LSAMP: variants seen among roughly 807,000 people sequenced by gnomAD.
The protein encoded by LSAMP is limbic system associated membrane protein.
In LSAMP, 7 loss-of-function variants were observed where a neutral mutation model predicts 38.6. That is an observed-to-expected ratio of 0.18 (90% CI 0.10 to 0.34). LSAMP has a LOEUF of 0.34. Among genes scored for constraint, LSAMP ranks in the 10% least tolerant of loss-of-function variants. The pLI is 1.00. For synonymous variants in LSAMP, 154 were observed against 166.8 expected (o/e 0.92, Z 0.59); for missense variants, 313 against 420.0 (o/e 0.75, Z 2.23).
intron 3 of LSAMP, among the ~76,000 whole-genome samples, chr3:115,902,922 T>A (rs1472044970): frequency 1.3e-5 from 2 of 152,072 alleles, no homozygotes; most frequent in Non-Finnish European, 2.9e-5. Context: ...AACCATTGTG[T>A]AAAGCAGTGT....
At position 115,808,169 on chromosome 3, in the gene LSAMP, CT is replaced by C. The variant is rs1238421937; in HGVS notation, c.*2147del. 8 of 109,152 alleles carry C rather than the reference CT, an allele frequency of 7.3e-5. No homozygotes were observed. Among genetic ancestry groups the C allele is most frequent in the Non-Finnish European group, 1.3e-4 (7 of 53,626 alleles). 6.8% of individuals were successfully genotyped at this position (109,152 alleles called of 1,614,324 possible). A position where few individuals can be genotyped will look rare whatever the true frequency, so the allele number is the denominator to read the frequency against. ...CCCTCCCCCCCTTCCCCGTCCCCCC[CT>C]CCCTGCCTTCCTTCCTTCCTTCCTT... On this transcript the variant is annotated 3_prime_UTR_variant, in exon 7 of 7. Transcript: ENST00000490035.
At chr3:116,221,844 A>AGTGTGTGTGTGTGTGTGTGTGT (rs58596077) in intron 1 of LSAMP, among the ~76,000 whole-genome samples, 1 of 145,370 alleles carries the variant, frequency 6.9e-6, no homozygotes, top group Non-Finnish European at 1.5e-5. Context: ...CCTAAAAAGA[A>AGTGTGTGTGTGTGTGTGTGTGT]GTGTGTGTGT....
chr3:115,858,135 ATCTCTCTCTC>A (rs67994060), intron 3 of LSAMP, among the ~76,000 whole-genome samples: 250 of 144,106 alleles, frequency 1.7e-3, no homozygotes, highest in African/African-American at 5.8e-3. Context: ...CCGTCCTCCC[ATCTCTCTCTC>A]TCTCTCTCTC....
chr3:115,885,496 C>T (rs1348468355), intron 3 of LSAMP, among the ~76,000 whole-genome samples: 2 of 151,634 alleles, frequency 1.3e-5, no homozygotes, highest in African/African-American at 4.8e-5. Flanking sequence ...TTATATTGAC[C>T]AACAAAATAT....
chr3:116,200,093 T>TACACACACACACACACACAC (rs36216707), intron 1 of LSAMP, among the ~76,000 whole-genome samples: 1 of 149,366 alleles, frequency 6.7e-6, no homozygotes, highest in African/African-American at 2.5e-5. Context: ...AGTCTTACTT[T>TACACACACACACACACACAC]ACACACACAC....
At chr3:115,883,708 C>T (rs1244329258) in intron 3 of LSAMP, among the ~76,000 whole-genome samples, 2 of 151,936 alleles carry the variant, frequency 1.3e-5, no homozygotes, top group Admixed American at 1.3e-4. Flanking sequence ...CCTGCCTGTT[C>T]TCTTTTTATG....
At chr3:116,264,183 G>A (rs1277338603) in intron 1 of LSAMP, among the ~76,000 whole-genome samples, 1 of 152,102 alleles carries the variant, frequency 6.6e-6, no homozygotes, top group Non-Finnish European at 1.5e-5. Flanking sequence ...GTATGTTCTG[G>A]TATCTCCCTG....
intron 3 of LSAMP, among the ~76,000 whole-genome samples, chr3:115,861,117 C>CT (rs1247610516): frequency 3.3e-5 from 3 of 89,608 alleles, no homozygotes; most frequent in Admixed American, 1.4e-4. Context: ...TCCCCTCCCT[C>CT]CTTCCTTCTT....
chr3:115,943,169 G>T (rs752856036), intron 3 of LSAMP, among the ~76,000 whole-genome samples: 23 of 152,170 alleles, frequency 1.5e-4, no homozygotes, highest in Non-Finnish European at 3.2e-4. Flanking sequence ...CTGTGGTACA[G>T]CCAATGAGCT....
At chr3:115,919,816 T>C (rs1246321410) in intron 3 of LSAMP, among the ~76,000 whole-genome samples, 2 of 152,186 alleles carry the variant, frequency 1.3e-5, no homozygotes, top group African/African-American at 4.8e-5. Context: ...TTCACCATGT[T>C]GGCCAGGCTG....
intron 3 of LSAMP, among the ~76,000 whole-genome samples, chr3:115,950,885 C>T (rs1938265719): frequency 6.9e-6 from 1 of 145,276 alleles, no homozygotes; most frequent in African/African-American, 2.6e-5. Context: ...GTTACCAAAA[C>T]AGCATGGTAC....
At chr3:116,240,522 C>G (rs1431512) in intron 1 of LSAMP, among the ~76,000 whole-genome samples, 114,377 of 152,148 alleles carry the variant, frequency 0.75, 43,703 homozygotes, top group South Asian at 0.84. Context: ...AATGTCTCCC[C>G]TAGAGAAAAC....
intron 1 of LSAMP, among the ~76,000 whole-genome samples, chr3:116,215,708 T>C (rs988769870): frequency 1.3e-5 from 2 of 152,038 alleles, no homozygotes; most frequent in African/African-American, 4.8e-5. Flanking sequence ...ACTCCTTGAG[T>C]TGATTTTGAG....
intron 2 of LSAMP, among the ~76,000 whole-genome samples, chr3:116,022,968 A>T (rs1940679346): frequency 6.6e-6 from 1 of 152,102 alleles, no homozygotes; most frequent in South Asian, 2.1e-4. Flanking sequence ...TGTCTAAGCA[A>T]AAAAAGCAAA....
intron 1 of LSAMP, among the ~76,000 whole-genome samples, chr3:116,300,981 TA>T (rs2047400360): frequency 6.6e-6 from 1 of 151,848 alleles, no homozygotes; most frequent in South Asian, 2.1e-4. Context: ...TAATAAATAT[TA>T]TTTTTAATAC....
At chr3:116,254,012 C>G (rs16824649) in intron 1 of LSAMP, among the ~76,000 whole-genome samples, 1 of 152,046 alleles carries the variant, frequency 6.6e-6, no homozygotes, top group African/African-American at 2.4e-5. Flanking sequence ...TATCTTCTAA[C>G]GTCCAGTAGC....
At chr3:115,954,484 A>T (rs897970506) in intron 3 of LSAMP, among the ~76,000 whole-genome samples, 3 of 152,230 alleles carry the variant, frequency 2.0e-5, no homozygotes, top group African/African-American at 7.2e-5. Flanking sequence ...GCAAGAAGCT[A>T]CAGAAGTTGA....
At chr3:115,815,602 T>C (rs1259855655) in intron 6 of LSAMP, among the ~76,000 whole-genome samples, 1 of 152,240 alleles carries the variant, frequency 6.6e-6, no homozygotes, top group Non-Finnish European at 1.5e-5. Flanking sequence ...GTAGAACTTC[T>C]GGTGACACTG....
rs1251314068 is a variant in LSAMP, at chr3:116,093,374, T to C, written c.156-6818A>G. Among the ~76,000 whole-genome samples the C allele has an allele frequency of 2.6e-5, 4 of 152,334 alleles. No homozygotes were observed. The East Asian group carries it at 7.7e-4, about 29-fold the overall frequency. On this transcript the variant is annotated intron_variant, in intron 1 of 6. Transcript: ENST00000490035. ...GGATCGAGGTTGAAATACCCAGATA[T>C]AGATGTCTGTCTCTTGGTTTACACA...
Sources: allele counts gnomAD v4.1 joint callset (sites outside exome capture counted in the v4.1 genomes callset), GRCh38; gene constraint gnomAD v4.1.1; transcripts MANE v1.5; gene names NCBI Gene and HGNC (gene_info 2026-07-23, HGNC 2026-07-21).